EFR3B: variants seen among roughly 807,000 people sequenced by gnomAD.
EFR3B encodes protein EFR3 homolog B.
EFR3B carries 64 observed loss-of-function variants against 104.7 expected under a neutral mutation model. The ratio of observed to expected loss-of-function variants is 0.61; its 90% CI spans 0.50 to 0.75. The LOEUF (loss-of-function observed/expected upper bound fraction) is 0.75, where lower values mean the gene tolerates loss of function less well. Ranked by LOEUF, EFR3B falls within the 30% of genes least tolerant of loss-of-function variation. The pLI, the probability that EFR3B is intolerant of heterozygous loss-of-function variation, is 0.00. For synonymous variants in EFR3B, 385 were observed against 417.9 expected, an observed-to-expected ratio of 0.92 and a Z score of 0.96; for missense variants, 750 against 1,078.5, an observed-to-expected ratio of 0.70 and a Z score of 4.27.
chr2:25,060,437 T>A (rs1360696710), intron 1 of EFR3B, among the ~76,000 whole-genome samples: 2 of 152,108 alleles, frequency 1.3e-5, no homozygotes, highest in Non-Finnish European at 2.9e-5. Context: ...CCAACTCAAA[T>A]TAAGAATATC....
In EFR3B at chr2:25,042,980, G is replaced by T. The variant is rs184394055; in HGVS notation, c.7+661G>T. Among the ~76,000 whole-genome samples, 4 of 152,280 alleles carry T rather than the reference G, an allele frequency of 2.6e-5. No individual in the cohort carries two copies. Among genetic ancestry groups the T allele is most frequent in the Admixed American group, 2.6e-4 (4 of 15,304 alleles). On this transcript the variant is annotated intron_variant, in intron 1 of 22. Coordinates refer to ENST00000403714, the MANE Select transcript of EFR3B (RefSeq NM_014971.2). This position sits in a 1 kb window ranked among gnomAD's most constrained non-coding sequence, Gnocchi z 5.4. ...CTCCACCGCCATCCCCTCAACTGCC[G>T]TGCAACAGTTAGCCAGACCCTCACG...
chr2:25,143,256 A>C (rs1006167328), intron 17 of EFR3B, among the ~76,000 whole-genome samples: 2 of 152,196 alleles, frequency 1.3e-5, no homozygotes, highest in African/African-American at 4.8e-5. Flanking sequence ...ATTGTTGTAC[A>C]TAAGAATATA....
intron 1 of EFR3B, among the ~76,000 whole-genome samples, chr2:25,065,908 T>C (rs1016121924): frequency 6.6e-6 from 1 of 152,102 alleles, no homozygotes. Flanking sequence ...GAATGTCTCC[T>C]TGGAAACCCC....
chr2:25,137,434 C>T lies in EFR3B; in HGVS notation c.1654C>T (p.Leu552Phe). Reference sequence around the variant, plus strand: ...CGAGGCGCTCTATGGCTTGCTGGCCCTCATCAGCATCGAGCTGGCTAACGA... The same window carrying T: ...CGAGGCGCTCTATGGCTTGCTGGCCTTCATCAGCATCGAGCTGGCTAACGA... ...HYEALYGLLA[L>F]ISIELANEEV... Residue 552 changes from leucine to phenylalanine, a missense_variant, in exon 15 of 23, where the codon CTC becomes TTC. Leu to Phe is a conservative substitution (Grantham distance 22, BLOSUM62 0). Coordinates refer to ENST00000403714, the MANE Select transcript of EFR3B (RefSeq NM_014971.2). This position sits in a 1 kb window ranked among gnomAD's most constrained non-coding sequence, Gnocchi z 4.7. 6.4e-7 allele frequency: 1 copy of T among 1,551,776 alleles called. No individual in the cohort carries two copies. The highest frequency in any genetic ancestry group is 2.4e-5 in the East Asian group (1 of 40,910).
intron 1 of EFR3B, among the ~76,000 whole-genome samples, chr2:25,076,830 G>C (rs899614459): frequency 1.3e-5 from 2 of 152,206 alleles, no homozygotes; most frequent in Non-Finnish European, 2.9e-5. Context: ...TGTCTCGGAA[G>C]CTCTAGAGCT....
At chr2:25,066,347 G>A (rs569549157) in intron 1 of EFR3B, among the ~76,000 whole-genome samples, 18 of 152,182 alleles carry the variant, frequency 1.2e-4, no homozygotes, top group Non-Finnish European at 2.6e-4. Flanking sequence ...TAGTCATGAT[G>A]ACAGCTTTCC....
At chr2:25,081,283 G>A (rs952084493) in intron 1 of EFR3B, 40 of 1,028,324 alleles carry the variant, frequency 3.9e-5, no homozygotes, top group Admixed American at 5.6e-5. Context: ...CCTTTTCCTC[G>A]ACCATCAGCT....
chr2:25,059,639 A>C (rs1265304467), intron 1 of EFR3B, among the ~76,000 whole-genome samples: 1 of 149,740 alleles, frequency 6.7e-6, no homozygotes, highest in African/African-American at 2.5e-5. Flanking sequence ...TGCAAGGTGA[A>C]AAGAATTTTG....
intron 1 of EFR3B, among the ~76,000 whole-genome samples, chr2:25,087,336 G>GTA (rs1353863628): frequency 4.7e-5 from 7 of 147,920 alleles, no homozygotes; most frequent in South Asian, 2.2e-4. Flanking sequence ...TGAAGATTAT[G>GTA]TATATATATA....
chr2:25,124,070 G>T (rs749225984), intron 5 of EFR3B, among the ~76,000 whole-genome samples: 15 of 152,006 alleles, frequency 9.9e-5, no homozygotes, highest in Admixed American at 2.0e-4. Context: ...TTTCTCTTCC[G>T]TCCCCTCCCT....
Position 25,089,455 on chromosome 2 carries a change from T to C in EFR3B, c.8-1870T>C, listed in dbSNP as rs573117535. Among the ~76,000 whole-genome samples the C allele has an allele frequency of 6.0e-3, 915 of 152,260 alleles. 12 individuals carry two copies. The highest frequency in any genetic ancestry group is 0.021 in the African/African-American group (878 of 41,552). ...CTAACTTCCCCATGTTTCTATTTCCTCACTCCCTTAAAATGCAAAAGGGCC... is the reference window on the plus strand; with the variant it reads ...CTAACTTCCCCATGTTTCTATTTCCCCACTCCCTTAAAATGCAAAAGGGCC... On this transcript the variant is annotated intron_variant, in intron 1 of 22. Transcript: ENST00000403714.
chr2:25,132,875 T>G, intron 10 of EFR3B, 28 bp from the exon 11 acceptor site: 2 of 1,539,496 alleles, frequency 1.3e-6, no homozygotes, highest in Non-Finnish European at 1.8e-6. Flanking sequence ...TGTGCCTCAC[T>G]GGGCACCCTC....
chr2:25,083,675 C>T (rs34445167), intron 1 of EFR3B, among the ~76,000 whole-genome samples: 31,965 of 152,092 alleles, frequency 0.21, 3,676 homozygotes, highest in South Asian at 0.29. Context: ...AATCTCCTGC[C>T]ATCAGCTTTG....
chr2:25,056,483 G>A (rs1167954544), intron 1 of EFR3B, among the ~76,000 whole-genome samples: 1 of 149,890 alleles, frequency 6.7e-6, no homozygotes, highest in Admixed American at 6.7e-5. Flanking sequence ...GGCCCTTTGA[G>A]GCAAAGGCAA....
chr2:25,086,331 A>C (rs943905714), intron 1 of EFR3B, among the ~76,000 whole-genome samples: 7 of 152,198 alleles, frequency 4.6e-5, no homozygotes, highest in Non-Finnish European at 1.0e-4. Context: ...TTTTTTAAGA[A>C]GCTGCCAAAC....
chr2:25,060,082 G>C (rs1646202188), intron 1 of EFR3B, among the ~76,000 whole-genome samples: 1 of 151,944 alleles, frequency 6.6e-6, no homozygotes, highest in Non-Finnish European at 1.5e-5. Flanking sequence ...TGTAGTCCCA[G>C]CTACTTGGGA....
intron 3 of EFR3B, among the ~76,000 whole-genome samples, chr2:25,100,924 C>G (rs1030065430): frequency 2.3e-4 from 35 of 152,238 alleles, no homozygotes; most frequent in African/African-American, 8.4e-4. Context: ...GCAATGGTCT[C>G]CCATCTAGCA....
At chr2:25,093,355 GT>G (rs1669188906) in intron 3 of EFR3B, among the ~76,000 whole-genome samples, 1 of 152,102 alleles carries the variant, frequency 6.6e-6, no homozygotes, top group African/African-American at 2.4e-5. Flanking sequence ...TTAGCCAGGT[GT>G]GGTGGTGCAC....
intron 4 of EFR3B, among the ~76,000 whole-genome samples, chr2:25,109,211 C>T (rs748412809): frequency 1.3e-4 from 19 of 150,616 alleles, no homozygotes; most frequent in Non-Finnish European, 1.5e-4. Flanking sequence ...AAAGAACTCT[C>T]ATAGATATTT....
Sources: gnomAD v4.1 joint callset for allele counts (sites outside exome capture counted in the v4.1 genomes callset) on GRCh38, gnomAD v4.1.1 for gene constraint, Gnocchi (gnomAD v3.1) non-coding constraint, MANE v1.5 for transcripts, NCBI Gene and HGNC (gene_info 2026-07-23, HGNC 2026-07-21) for gene names.